The following KIF1B variants were observed in gnomAD, a reference collection of about 807,000 sequenced individuals.
The protein encoded by KIF1B is kinesin-like protein KIF1B.
Under a neutral mutation model 241.9 loss-of-function variants are expected in KIF1B, and 76 were observed. The observed-to-expected ratio is 0.31, with a 90% CI of 0.26 to 0.38. The LOEUF is 0.38. Ranked by LOEUF, KIF1B falls within the 10% of genes least tolerant of loss-of-function variation. The pLI, the probability that KIF1B is intolerant of heterozygous loss-of-function variation, is 1.00. For missense variants in KIF1B, 1,622 were observed against 2,271.4 expected (o/e 0.71, Z 5.81); for synonymous variants, 750 against 796.7 (o/e 0.94, Z 0.99).
Position 10,378,536 on chromosome 1 carries a change from CA to C in KIF1B, c.*1950del. ...TCTGTTTCACCATTGCTCAGGCATT[CA>C]GGAAAGTATCTGCTCACTCCCACTT... On this transcript the variant is annotated 3_prime_UTR_variant, in exon 49 of 49. Transcript: ENST00000676179. 1.5e-6 allele frequency: 1 copy of C among 686,426 alleles called. No individual in the cohort carries two copies. The highest frequency in any genetic ancestry group is 2.7e-5 in the East Asian group (1 of 37,064). 42.5% of individuals were successfully genotyped at this position (686,426 alleles called of 1,614,324 possible). A position where few individuals can be genotyped will look rare whatever the true frequency, so the allele number is the denominator to read the frequency against.
chr1:10,217,624 C>T (rs1646786675), intron 1 of KIF1B, among the ~76,000 whole-genome samples: 1 of 151,980 alleles, frequency 6.6e-6, no homozygotes. Context: ...GCTGCTCTTA[C>T]TCTTTCTTCT....
chr1:10,341,976 T>G, intron 32 of KIF1B, 74 bp from the exon 33 acceptor site: 1 of 876,372 alleles, frequency 1.1e-6, no homozygotes, highest in Non-Finnish European at 1.8e-6. Flanking sequence ...AAACCCAAAA[T>G]ACGTACTAAA....
At chr1:10,317,558 G>A (rs1415589376) in intron 22 of KIF1B, among the ~76,000 whole-genome samples, 7 of 151,304 alleles carry the variant, frequency 4.6e-5, no homozygotes, top group East Asian at 1.9e-4. Context: ...GAGGCCAGGC[G>A]CACTGGCTCA....
rs984316672 is a variant in KIF1B, at chr1:10,284,131, T to C, written c.1434+1598T>C. Among the ~76,000 whole-genome samples the C allele has an allele frequency of 5.9e-5, 9 of 152,282 alleles. No individual in the cohort carries two copies. The South Asian group carries it at 8.3e-4, about 14-fold the overall frequency. On this transcript the variant is annotated intron_variant, in intron 15 of 48. Transcript: ENST00000676179. ...GCTCACACCTGTAAACCCAGTACTT[T>C]GGGAGGCTGAGGCAGGAGGATCATT... is the stretch of plus-strand genomic sequence containing the variant.
intron 45 of KIF1B, among the ~76,000 whole-genome samples, chr1:10,372,339 A>G (rs1378837119): frequency 6.6e-6 from 1 of 152,198 alleles, no homozygotes. Context: ...GTTTGAGACC[A>G]GCCTGGGCAA....
intron 2 of KIF1B, among the ~76,000 whole-genome samples, chr1:10,255,746 G>C (rs1030248546): frequency 6.6e-6 from 1 of 152,132 alleles, no homozygotes; most frequent in Non-Finnish European, 1.5e-5. Context: ...CTGTTGGTCT[G>C]GTTTTTCATG....
chr1:10,296,868 C>T, intron 20 of KIF1B, 29 bp from the exon 21 acceptor site: 1 of 1,602,562 alleles, frequency 6.2e-7, no homozygotes, highest in Non-Finnish European at 8.5e-7. Flanking sequence ...AAAATTATTT[C>T]TTAACCCTAT....
At chr1:10,289,873 GACTCTGTCTCAAACAGACAA>G (rs1649902429) in intron 15 of KIF1B, among the ~76,000 whole-genome samples, 1 of 152,120 alleles carries the variant, frequency 6.6e-6, no homozygotes, top group South Asian at 2.1e-4. Flanking sequence ...GACAGAATGA[GACTCTGTCTCAAACAGACAA>G]ACAAACAAAC....
intron 22 of KIF1B, chr1:10,307,602 G>A (rs1007960133): frequency 1.3e-4 from 128 of 1,009,490 alleles, no homozygotes; most frequent in Middle Eastern, 4.8e-4. Flanking sequence ...GAGCCACCGC[G>A]CCTGGCCTGT....
chr1:10,316,569 C>G (rs982323247), intron 22 of KIF1B, among the ~76,000 whole-genome samples: 3 of 151,018 alleles, frequency 2.0e-5, no homozygotes, highest in Non-Finnish European at 4.4e-5. Context: ...GGCACGATCT[C>G]GGCTCACTGC....
chr1:10,282,636 CTT>C (rs1649469659), intron 15 of KIF1B, 103 bp downstream of exon 15: 1 of 961,024 alleles, frequency 1.0e-6, no homozygotes, highest in Admixed American at 1.8e-5. Context: ...ATGGAGAACT[CTT>C]TGACTCTTAG....
chr1:10,346,451 G>A (rs1652593931), intron 35 of KIF1B, among the ~76,000 whole-genome samples: 1 of 151,872 alleles, frequency 6.6e-6, no homozygotes. Context: ...TGCAACCTCT[G>A]CCTCCCAGGT....
At chr1:10,359,389 A>C (rs1308700684) in intron 38 of KIF1B, among the ~76,000 whole-genome samples, 1 of 152,192 alleles carries the variant, frequency 6.6e-6, no homozygotes, top group Non-Finnish European at 1.5e-5. Flanking sequence ...TCCACTTGTC[A>C]TAGGGGTCTG....
intron 1 of KIF1B, among the ~76,000 whole-genome samples, chr1:10,212,992 TTTG>T (rs1646718182): frequency 6.6e-6 from 1 of 150,494 alleles, no homozygotes; most frequent in Non-Finnish European, 1.5e-5. Flanking sequence ...ACACTATTTT[TTTG>T]TTATTTTTGT....
At chr1:10,238,019 A>C (rs1449018769) in intron 2 of KIF1B, among the ~76,000 whole-genome samples, 2 of 151,090 alleles carry the variant, frequency 1.3e-5, no homozygotes, top group African/African-American at 2.5e-5. Context: ...AGGAAAAAAG[A>C]AAGAAAGAAA....
intron 23 of KIF1B, among the ~76,000 whole-genome samples, chr1:10,320,765 C>T (rs972033022): frequency 4.0e-5 from 6 of 151,790 alleles, no homozygotes; most frequent in Admixed American, 1.3e-4. Context: ...TTGCTCTTGT[C>T]GCCCACGCTG....
rs112270477 is a variant in KIF1B at position 10,250,448 on chromosome 1, C to G, written c.107-5799C>G. ...CTGCCTTCTGGTTTCAAGCAGATCT[C>G]TTGCCTCAGCCTCCCAAGTAGCTGG... On this transcript the variant is annotated intron_variant, in intron 2 of 48. Transcript: ENST00000676179. Among the ~76,000 whole-genome samples the G allele has an allele frequency of 5.0e-3, 766 of 151,852 alleles. 11 individuals are homozygous for G. Among genetic ancestry groups the G allele is most frequent in the African/African-American group, 0.017 (723 of 41,426 alleles).
chr1:10,371,005 T>C, intron 44 of KIF1B, 136 bp from the exon 45 acceptor site: 1 of 993,428 alleles, frequency 1.0e-6, no homozygotes, highest in Non-Finnish European at 1.6e-6. Flanking sequence ...AAATTATGTA[T>C]AGGCTTGTTT....
Position 10,371,143 on chromosome 1 carries a change from G to A in KIF1B, c.4827G>A (p.Leu1609=). The change falls in exon 45 of 49, where the codon TTG becomes TTA. Residue 1609 remains leucine, a splice_region_variant and synonymous_variant. Transcript: ENST00000676179. The stretch of plus-strand genomic sequence containing the variant: ...TGTAGTGTTCGGTTTGCTTCCAGTT[G>A]TCTGATATCTCTCCAATTGGACGGG... The part of the protein sequence containing the change: ...QVHGSVSDCK[L]SDISPIGRDP... 6.2e-7 allele frequency: 1 copy of A among 1,614,094 alleles called. No homozygotes were observed. The highest frequency in any genetic ancestry group is 8.5e-7 in the Non-Finnish European group (1 of 1,180,026).
Sources: gnomAD v4.1 joint callset for allele counts (sites outside exome capture counted in the v4.1 genomes callset) on GRCh38, gnomAD v4.1.1 for gene constraint, MANE v1.5 for transcripts, NCBI Gene and HGNC (gene_info 2026-07-23, HGNC 2026-07-21) for gene names.